ABCA7: variants seen among roughly 807,000 people sequenced by gnomAD.
The protein encoded by ABCA7 is phospholipid-transporting ATPase ABCA7.
In ABCA7, 261 loss-of-function variants were observed where a neutral mutation model predicts 227.6. The observed-to-expected ratio is 1.15, with a 90% CI of 1.04 to 1.27. The LOEUF is 1.27. Ranked by LOEUF, ABCA7 falls within the 50% of genes most tolerant of loss-of-function variation. The pLI, the probability that ABCA7 is intolerant of heterozygous loss-of-function variation, is 0.00. For synonymous variants in ABCA7, 1,488 were observed against 1,279.7 expected, an observed-to-expected ratio of 1.16 and a Z score of -3.47; for missense variants, 3,331 against 2,924.5, an observed-to-expected ratio of 1.14 and a Z score of -3.21.
In ABCA7 at chr19:1,049,450, C is replaced by A. The variant is rs762278770; in HGVS notation, c.2552+13C>A. 5 of 1,556,776 alleles carry A rather than the reference C, an allele frequency of 3.2e-6. No homozygotes were observed. The East Asian group carries it at 7.1e-5, about 22-fold the overall frequency. On this transcript the variant is annotated intron_variant, in intron 18 of 46. Coordinates refer to ENST00000263094, the MANE Select transcript of ABCA7 (RefSeq NM_019112.4). Reference sequence around the variant, plus strand: ...AGACCACCACCCTGTGAGCCCCCAACCACTCCCTCCCCGTGAGCCCCCCCA... The same window carrying A: ...AGACCACCACCCTGTGAGCCCCCAAACACTCCCTCCCCGTGAGCCCCCCCA...
intron 45 of ABCA7, 119 bp from the exon 46 acceptor site, chr19:1,064,812 T>G: frequency 7.1e-7 from 1 of 1,407,512 alleles, no homozygotes. Context: ...GGAGGACCAC[T>G]TGATCGCTAG....
At position 1,046,967 on chromosome 19, in the gene ABCA7, C is replaced by T. The variant is rs746912172; in HGVS notation, c.1788C>T (p.Phe596=). 6.3e-7 allele frequency: 1 copy of T among 1,583,488 alleles called. No individual in the cohort carries two copies. Among genetic ancestry groups the T allele is most frequent in the Non-Finnish European group, 8.6e-7 (1 of 1,168,660 alleles). ...GCGCGGTGCTCTGGCTAGGCTGGTT[C>T]CTCAGCTGCCTCGGGCCCTTCCTGC... is the stretch of plus-strand genomic sequence containing the variant. ...LSRAVLWLGW[F]LSCLGPFLLS... The change falls in exon 14 of 47, where the codon TTC becomes TTT. Residue 596 remains phenylalanine (F), a synonymous_variant. Coordinates refer to ENST00000263094, the MANE Select transcript of ABCA7 (RefSeq NM_019112.4).
chr19:1,050,497 C>T (rs1266672621), intron 18 of ABCA7, among the ~76,000 whole-genome samples: 1 of 149,322 alleles, frequency 6.7e-6, no homozygotes, highest in African/African-American at 2.5e-5. Flanking sequence ...TGTGGCCAGG[C>T]GTGGTGGCTC....
intron 40 of ABCA7, among the ~76,000 whole-genome samples, chr19:1,059,582 G>A (rs1276631418): frequency 1.4e-5 from 2 of 140,572 alleles, no homozygotes; most frequent in African/African-American, 5.4e-5. Flanking sequence ...TCTTTTTTTA[G>A]AGACGGAGTC....
At chr19:1,047,088 GC>G in intron 14 of ABCA7, 64 bp downstream of exon 14, 1 of 1,552,820 alleles carries the variant, frequency 6.4e-7, no homozygotes, top group Non-Finnish European at 8.7e-7. Context: ...GACAGGGGCG[GC>G]CCCACGTGGG....
intron 6 of ABCA7, 87 bp from the exon 7 acceptor site, chr19:1,042,659 A>G (rs1289214675): frequency 7.4e-7 from 1 of 1,345,544 alleles, no homozygotes; most frequent in Non-Finnish European, 1.1e-6. Context: ...GGGCTATGAT[A>G]GTATGGTCTG....
chr19:1,056,862 C>T lies in ABCA7; in HGVS notation c.4587-45C>T. On this transcript the variant is annotated intron_variant, in intron 33 of 46. Transcript: ENST00000263094. The surrounding 1 kb of genome is among the most constrained non-coding windows in gnomAD (Gnocchi z 4.3). ...CGTGTTCAGCTCTGCTCTGAGCAACCCATGCACCCTCACCCTACAACAGCT... is the reference window on the plus strand; with the variant it reads ...CGTGTTCAGCTCTGCTCTGAGCAACTCATGCACCCTCACCCTACAACAGCT... 2.5e-6 allele frequency: 4 copies of T among 1,587,968 alleles called. No individual in the cohort carries two copies. Among genetic ancestry groups the T allele is most frequent in the Non-Finnish European group, 3.4e-6 (4 of 1,162,726 alleles).
intron 10 of ABCA7, 46 bp from the exon 11 acceptor site, chr19:1,044,531 G>A (rs760899416): frequency 1.3e-6 from 2 of 1,581,922 alleles, no homozygotes; most frequent in South Asian, 2.3e-5. Context: ...ACAGGCATGA[G>A]CCACTGTGCC....
In ABCA7 at chr19:1,053,381, G is replaced by T. The variant is rs1390482585; in HGVS notation, c.3273G>T (p.Leu1091=). The change falls in exon 24 of 47, where the codon CTG becomes CTT. Residue 1091 remains leucine (L), a synonymous_variant. Coordinates refer to ENST00000263094, the MANE Select transcript of ABCA7 (RefSeq NM_019112.4). The part of the protein sequence containing the change: ...LVQHWVPGAR[L]VEELPHELVL... ...AGCACTGGGTGCCCGGGGCACGGCT[G>T]GTGGAGGAGCTGCCACACGAGCTGG... 6.2e-7 allele frequency: 1 copy of T among 1,608,450 alleles called. No homozygotes were observed. The highest frequency in any genetic ancestry group is 1.3e-5 in the African/African-American group (1 of 74,990).
At chr19:1,050,773 C>T (rs903408584) in intron 18 of ABCA7, 148 bp from the exon 19 acceptor site, 31 of 367,336 alleles carry the variant, frequency 8.4e-5, no homozygotes, top group Non-Finnish European at 1.0e-4. Flanking sequence ...GAGTGAAACT[C>T]CGTCTCAAAA....
At position 1,042,389 on chromosome 19, in the gene ABCA7, C is replaced by A. The variant is rs776544869; in HGVS notation, c.490C>A (p.Leu164Met). The change falls in exon 6 of 47, where the codon CTG becomes ATG. Residue 164 changes from leucine to methionine, a missense_variant. Leu to Met is a conservative substitution (Grantham distance 15, BLOSUM62 2). Transcript: ENST00000263094. ...LDVAELLTSLLRTESLGLALG... is the reference protein window; with the variant it reads ...LDVAELLTSLMRTESLGLALG... ...TGTCGCGGAGCTGCTGACGTCACTGCTGCGCACGGTAGGGTGTCGGGGCGG... is the reference window on the plus strand; with the variant it reads ...TGTCGCGGAGCTGCTGACGTCACTGATGCGCACGGTAGGGTGTCGGGGCGG... The A allele has an allele frequency of 3.0e-5, 48 of 1,609,488 alleles. 1 individual carries two copies. In the Admixed American group the frequency reaches 6.0e-4, roughly 20 times the overall value.
intron 40 of ABCA7, among the ~76,000 whole-genome samples, chr19:1,059,760 C>T (rs1363903988): frequency 6.6e-6 from 1 of 151,606 alleles, no homozygotes; most frequent in Non-Finnish European, 1.5e-5. Context: ...GACAGGGCTT[C>T]ACCATATTAG....
chr19:1,062,260 C>A lies in ABCA7; in HGVS notation c.5659C>A (p.His1887Asn). ...AIFELLTGREHLELLARLRGV... is the reference protein window; with the variant it reads ...AIFELLTGRENLELLARLRGV... ...CTTTGAGCTGCTGACGGGCCGCGAG[C>A]ACCTGGAGCTGCTTGCGCGCCTGCG... The change falls in exon 42 of 47, where the codon CAC (histidine) becomes AAC (asparagine). Residue 1887 changes from histidine to asparagine, a missense_variant. Coordinates refer to ENST00000263094, the MANE Select transcript of ABCA7 (RefSeq NM_019112.4). 6.2e-7 allele frequency: 1 copy of A among 1,611,428 alleles called. No homozygotes were observed. Among genetic ancestry groups the A allele is most frequent in the Non-Finnish European group, 8.5e-7 (1 of 1,179,792 alleles).
chr19:1,051,633 A>C (rs529472486), intron 21 of ABCA7, 47 bp downstream of exon 21: 1 of 1,568,586 alleles, frequency 6.4e-7, no homozygotes, highest in East Asian at 2.3e-5. Context: ...GGCTTCTGAC[A>C]AGGAAGTGCT....
rs368842046 is a variant in ABCA7, at chr19:1,044,986, C to T, written c.1216-16C>T. 6.2e-7 allele frequency: 1 copy of T among 1,611,268 alleles called. No homozygotes were observed. The highest frequency in any genetic ancestry group is 8.5e-7 in the Non-Finnish European group (1 of 1,179,230). On this transcript the variant is annotated splice_polypyrimidine_tract_variant and intron_variant, in intron 11 of 46. Coordinates refer to ENST00000263094, the MANE Select transcript of ABCA7 (RefSeq NM_019112.4). ...GGCGGACCCCAGCGCCTAGGACTCA[C>T]CCCCGCATCCCACAGTGCCTGTCCT... is the stretch of plus-strand genomic sequence containing the variant.
chr19:1,059,640 T>A (rs886134584), intron 40 of ABCA7, among the ~76,000 whole-genome samples: 1 of 148,798 alleles, frequency 6.7e-6, no homozygotes, highest in East Asian at 2.0e-4. Context: ...CTCGGCTCAC[T>A]ACAAGCTCCA....
Position 1,058,160 on chromosome 19 carries a change from G to C in ABCA7, c.5040G>C (p.Val1680=). 1 of 1,613,924 alleles carries C rather than the reference G, an allele frequency of 6.2e-7. No homozygotes were observed. Among genetic ancestry groups the C allele is most frequent in the Non-Finnish European group, 8.5e-7 (1 of 1,179,970 alleles). The stretch of plus-strand genomic sequence containing the variant: ...CCCTTGAGCAGAAGCTGCAGGAGGT[G>C]AGCCGGATCTTGAAACAGGTCTTCC... ...ELFSDQKLQE[V]SRILKQVFLI... Residue 1680 remains valine (V), a synonymous_variant, in exon 37 of 47, where the codon GTG becomes GTC. Coordinates refer to ENST00000263094, the MANE Select transcript of ABCA7 (RefSeq NM_019112.4).
chr19:1,055,467 C>T (rs1295332021), intron 30 of ABCA7, 116 bp downstream of exon 30: 22 of 1,163,446 alleles, frequency 1.9e-5, no homozygotes, highest in African/African-American at 3.2e-5. Context: ...CTTGGGGCTA[C>T]GGGCTGGGAG....
At position 1,056,258 on chromosome 19, in the gene ABCA7, G is replaced by A; in HGVS notation, c.4416+15G>A. Reference sequence around the variant, plus strand: ...ACAGTCTCAAGGTGGGAACTGGGGGGGCAGGTGGGCGTCCTGTCACAGCAA... The same window carrying A: ...ACAGTCTCAAGGTGGGAACTGGGGGAGCAGGTGGGCGTCCTGTCACAGCAA... On this transcript the variant is annotated intron_variant, in intron 32 of 46. Coordinates refer to ENST00000263094, the MANE Select transcript of ABCA7 (RefSeq NM_019112.4). The surrounding 1 kb of genome is among the most constrained non-coding windows in gnomAD (Gnocchi z 4.3). 1 of 1,589,500 alleles carries A rather than the reference G, an allele frequency of 6.3e-7. No homozygotes were observed. Among genetic ancestry groups the A allele is most frequent in the South Asian group, 1.1e-5 (1 of 89,120 alleles).
Sources: gnomAD v4.1 joint callset for allele counts (sites outside exome capture counted in the v4.1 genomes callset) on GRCh38, gnomAD v4.1.1 for gene constraint, Gnocchi (gnomAD v3.1) non-coding constraint, MANE v1.5 for transcripts, NCBI Gene and HGNC (gene_info 2026-07-23, HGNC 2026-07-21) for gene names.